The following IPCEF1 variants were observed in gnomAD, a reference collection of about 807,000 sequenced individuals.
The protein encoded by IPCEF1 is interaction protein for cytohesin exchange factors 1.
Under a neutral mutation model 50.9 loss-of-function variants are expected in IPCEF1, and 31 were observed. The ratio of observed to expected loss-of-function variants is 0.61; its 90% CI spans 0.46 to 0.82. The LOEUF (loss-of-function observed/expected upper bound fraction) is 0.82, where lower values mean the gene tolerates loss of function less well. Among genes scored for constraint, IPCEF1 ranks in the 40% least tolerant of loss-of-function variants. IPCEF1 has a pLI of 0.00. For missense variants in IPCEF1, 458 were observed against 514.0 expected (o/e 0.89, Z 1.05); for synonymous variants, 181 against 192.0 (o/e 0.94, Z 0.47).
chr6:154,175,380 C>A, intron 10 of IPCEF1, among the ~76,000 whole-genome samples: 1 of 136,050 alleles, frequency 7.4e-6, no homozygotes, highest in Non-Finnish European at 1.5e-5. Context: ...TCAGTGAATC[C>A]AGGAGCTTTT....
chr6:154,290,483 TA>T (rs1236640423), intron 1 of IPCEF1, among the ~76,000 whole-genome samples: 1 of 152,180 alleles, frequency 6.6e-6, no homozygotes, highest in Non-Finnish European at 1.5e-5. Flanking sequence ...GTTCTTGCTC[TA>T]AAACTTTTTA....
intron 10 of IPCEF1, among the ~76,000 whole-genome samples, chr6:154,176,390 T>G (rs1800333533): frequency 6.6e-6 from 1 of 152,204 alleles, no homozygotes; most frequent in Non-Finnish European, 1.5e-5. Context: ...ATTGTCTTTG[T>G]TTGTGGATCA....
intron 1 of IPCEF1, among the ~76,000 whole-genome samples, chr6:154,293,056 T>G (rs1195990998): frequency 6.6e-6 from 1 of 152,258 alleles, no homozygotes; most frequent in East Asian, 1.9e-4. Context: ...TTTTTCTTAT[T>G]TACTTTTTGC....
rs113572737 is a variant in IPCEF1 at position 154,193,032 on chromosome 6, G to A, written c.910+6636C>T. The stretch of plus-strand genomic sequence containing the variant: ...CCCACTACTGGATATCTACTCACAG[G>A]AAAAGAAGTCATTATACGAAGAAGG... On this transcript the variant is annotated intron_variant, in intron 10 of 11. Transcript: ENST00000367220. Among the ~76,000 whole-genome samples, 602 of 152,214 alleles carry A rather than the reference G, an allele frequency of 4.0e-3. 6 individuals are homozygous for A. The highest frequency in any genetic ancestry group is 0.013 in the African/African-American group (523 of 41,524).
chr6:154,175,047 C>A (rs1023643860), intron 10 of IPCEF1, among the ~76,000 whole-genome samples: 3 of 152,206 alleles, frequency 2.0e-5, no homozygotes, highest in Non-Finnish European at 4.4e-5. Context: ...TACATGGAAA[C>A]TGAACAACCT....
At chr6:154,249,661 G>A (rs116271994) in intron 3 of IPCEF1, among the ~76,000 whole-genome samples, 1,939 of 152,176 alleles carry the variant, frequency 0.013, 39 homozygotes, top group African/African-American at 0.043. Context: ...AAGGCAGAGA[G>A]GAAGTGATGC....
At chr6:154,191,601 G>C (rs1306746298) in intron 10 of IPCEF1, among the ~76,000 whole-genome samples, 1 of 151,970 alleles carries the variant, frequency 6.6e-6, no homozygotes, top group Non-Finnish European at 1.5e-5. Context: ...TTGAACCCAG[G>C]AGGTGGAGGT....
At chr6:154,339,656 C>T (rs374110312) in intron 1 of IPCEF1, among the ~76,000 whole-genome samples, 3 of 152,038 alleles carry the variant, frequency 2.0e-5, no homozygotes, top group African/African-American at 7.2e-5. Context: ...GTGGTGCAAT[C>T]GCAGCTCACT....
At chr6:154,323,184 C>T (rs1783434121) in intron 1 of IPCEF1, among the ~76,000 whole-genome samples, 1 of 151,464 alleles carries the variant, frequency 6.6e-6, no homozygotes, top group Non-Finnish European at 1.5e-5. Flanking sequence ...CTTCACTAGC[C>T]CCAGATCTCC....
intron 11 of IPCEF1, among the ~76,000 whole-genome samples, chr6:154,164,527 C>A (rs1799272796): frequency 6.6e-6 from 1 of 152,214 alleles, no homozygotes; most frequent in African/African-American, 2.4e-5. Context: ...TTTTGGAGGG[C>A]TTTGAACTAC....
At chr6:154,288,439 A>G (rs1782420101) in intron 2 of IPCEF1, among the ~76,000 whole-genome samples, 2 of 152,026 alleles carry the variant, frequency 1.3e-5, no homozygotes, top group Non-Finnish European at 1.5e-5. Flanking sequence ...CGAGGCGGGC[A>G]GATCACGAGG....
At chr6:154,247,203 C>T (rs1268645865) in intron 4 of IPCEF1, 1 of 512,420 alleles carries the variant, frequency 2.0e-6, no homozygotes. Context: ...CAATACACAG[C>T]TACTTCCCGA....
intron 1 of IPCEF1, among the ~76,000 whole-genome samples, chr6:154,322,400 A>ACACC (rs771613900): frequency 1.2e-4 from 11 of 94,746 alleles, no homozygotes; most frequent in Non-Finnish European, 2.8e-4. Context: ...ACACACACAC[A>ACACC]CACCCCTATG....
At chr6:154,195,829 T>C (rs552633247) in intron 10 of IPCEF1, among the ~76,000 whole-genome samples, 1 of 150,846 alleles carries the variant, frequency 6.6e-6, no homozygotes, top group South Asian at 2.1e-4. Flanking sequence ...TCTTGCTCTG[T>C]CACCCAGGCT....
chr6:154,350,780 G>A (rs933598719), intron 1 of IPCEF1, among the ~76,000 whole-genome samples: 1 of 152,148 alleles, frequency 6.6e-6, no homozygotes, highest in Non-Finnish European at 1.5e-5. Flanking sequence ...TACACCAGTG[G>A]CACAATCATA....
intron 5 of IPCEF1, among the ~76,000 whole-genome samples, chr6:154,224,344 C>T (rs28415815): frequency 0.027 from 4,141 of 152,264 alleles, 202 homozygotes; most frequent in African/African-American, 0.095. Context: ...CAACCCTATG[C>T]CCATCTTCTC....
At chr6:154,206,785 A>G (rs1343107791) in intron 9 of IPCEF1, among the ~76,000 whole-genome samples, 1 of 152,190 alleles carries the variant, frequency 6.6e-6, no homozygotes, top group Non-Finnish European at 1.5e-5. Context: ...TGGTCCTGCA[A>G]GTGGAGAAAC....
At chr6:154,279,369 A>G (rs904198069) in intron 2 of IPCEF1, among the ~76,000 whole-genome samples, 5 of 152,242 alleles carry the variant, frequency 3.3e-5, no homozygotes, top group African/African-American at 9.6e-5. Flanking sequence ...TCGTGTGTTC[A>G]TTCATTGGAA....
chr6:154,190,791 T>G (rs1164543168), intron 10 of IPCEF1, among the ~76,000 whole-genome samples: 1 of 152,170 alleles, frequency 6.6e-6, no homozygotes, highest in Non-Finnish European at 1.5e-5. Flanking sequence ...AATAACAAAC[T>G]GTGATGCATC....
Sources: gnomAD v4.1 joint callset for allele counts (sites outside exome capture counted in the v4.1 genomes callset) on GRCh38, gnomAD v4.1.1 for gene constraint, MANE v1.5 for transcripts, NCBI Gene and HGNC (gene_info 2026-07-23, HGNC 2026-07-21) for gene names.